CCSER1: variants seen among roughly 807,000 people sequenced by gnomAD.
CCSER1 encodes serine-rich coiled-coil domain-containing protein 1.
In CCSER1, 41 loss-of-function variants were observed where a neutral mutation model predicts 82.0. The observed-to-expected ratio is 0.50, with a 90% CI of 0.39 to 0.65. The LOEUF is 0.65. CCSER1 is among the 30% of genes least tolerant of loss of function. CCSER1 has a pLI of 0.00. For missense variants in CCSER1, 1,119 were observed against 1,064.2 expected (o/e 1.05, Z -0.72); for synonymous variants, 414 against 383.9 (o/e 1.08, Z -0.92).
At chr4:90,798,502 G>A (rs1010316167) in intron 7 of CCSER1, among the ~76,000 whole-genome samples, 1 of 151,568 alleles carries the variant, frequency 6.6e-6, no homozygotes, top group African/African-American at 2.4e-5. Flanking sequence ...CCCTGGTTTA[G>A]AACCTTTGCT....
At chr4:90,964,731 CAA>C (rs71596540) in intron 9 of CCSER1, among the ~76,000 whole-genome samples, 2 of 77,616 alleles carry the variant, frequency 2.6e-5, no homozygotes, top group Non-Finnish European at 4.4e-5. Flanking sequence ...ACTCTGTCTC[CAA>C]AAAAAAAAAA....
At chr4:91,310,103 G>C (rs745791378) in intron 10 of CCSER1, among the ~76,000 whole-genome samples, 1 of 151,882 alleles carries the variant, frequency 6.6e-6, no homozygotes, top group Non-Finnish European at 1.5e-5. Context: ...AAAAACACTA[G>C]TCATATTAGA....
intron 10 of CCSER1, among the ~76,000 whole-genome samples, chr4:91,459,013 T>G (rs548788496): frequency 7.2e-5 from 11 of 151,954 alleles, no homozygotes; most frequent in Non-Finnish European, 1.5e-4. Context: ...AACTTATGGG[T>G]TTTTTTTCCC....
At chr4:91,371,576 G>A (rs578098762) in intron 10 of CCSER1, among the ~76,000 whole-genome samples, 10 of 152,048 alleles carry the variant, frequency 6.6e-5, no homozygotes, top group African/African-American at 1.2e-4. Flanking sequence ...TCATTCATCC[G>A]TTCATGGACA....
rs371648328 is a variant in CCSER1 at position 90,288,015 on chromosome 4, C to G, written c.-41-20229C>G. Among the ~76,000 whole-genome samples the G allele has an allele frequency of 2.0e-5, 3 of 151,954 alleles. No homozygotes were observed. In the South Asian group the frequency reaches 6.2e-4, roughly 32 times the overall value. On this transcript the variant is annotated intron_variant, in intron 1 of 10. Transcript: ENST00000509176. The stretch of plus-strand genomic sequence containing the variant: ...TTATTCTTTTCTTTCTCTCATCCCT[C>G]TATCAATAAACAATTATTACTAGTG...
intron 6 of CCSER1, among the ~76,000 whole-genome samples, chr4:90,685,733 A>T (rs1164970277): frequency 6.6e-6 from 1 of 152,206 alleles, no homozygotes; most frequent in Non-Finnish European, 1.5e-5. Context: ...AAGACAACTT[A>T]CATGAACACT....
chr4:90,812,121 G>T (rs1002643446), intron 7 of CCSER1, among the ~76,000 whole-genome samples: 1 of 152,038 alleles, frequency 6.6e-6, no homozygotes, highest in Non-Finnish European at 1.5e-5. Context: ...GGAGTCCAAT[G>T]TTCAAGGGCA....
chr4:91,524,735 G>A (rs12642187), intron 10 of CCSER1, among the ~76,000 whole-genome samples: 1 of 152,058 alleles, frequency 6.6e-6, no homozygotes, highest in Non-Finnish European at 1.5e-5. Flanking sequence ...TTACACCGCA[G>A]AAAACAAGTA....
intron 4 of CCSER1, among the ~76,000 whole-genome samples, chr4:90,466,300 T>G (rs1361832958): frequency 1.3e-5 from 2 of 152,344 alleles, no homozygotes; most frequent in Middle Eastern, 3.4e-3. Flanking sequence ...TGAGAGGGCT[T>G]CAATGTGAAG....
At chr4:91,223,298 T>G (rs1350802235) in intron 10 of CCSER1, among the ~76,000 whole-genome samples, 1 of 152,106 alleles carries the variant, frequency 6.6e-6, no homozygotes, top group Non-Finnish European at 1.5e-5. Context: ...GTCTGAAAAG[T>G]GCATTGTAGA....
chr4:90,605,014 T>C (rs529028598), intron 5 of CCSER1, among the ~76,000 whole-genome samples: 2 of 151,278 alleles, frequency 1.3e-5, no homozygotes, highest in South Asian at 2.1e-4. Flanking sequence ...CTTCCACGTG[T>C]GGGAGGTTTG....
At chr4:91,437,045 A>G (rs1299498685) in intron 10 of CCSER1, among the ~76,000 whole-genome samples, 1 of 152,228 alleles carries the variant, frequency 6.6e-6, no homozygotes, top group Non-Finnish European at 1.5e-5. Flanking sequence ...TGGGTAACAC[A>G]TGAATTATCA....
At chr4:91,347,346 A>T (rs1217863335) in intron 10 of CCSER1, among the ~76,000 whole-genome samples, 1 of 152,016 alleles carries the variant, frequency 6.6e-6, no homozygotes, top group East Asian at 1.9e-4. Context: ...TCAACCTCAC[A>T]CTGTCTTGAT....
At chr4:90,958,413 T>C (rs1236151960) in intron 9 of CCSER1, among the ~76,000 whole-genome samples, 1 of 152,196 alleles carries the variant, frequency 6.6e-6, no homozygotes, top group Non-Finnish European at 1.5e-5. Context: ...TCCCTTGTGG[T>C]CTCCCTGCAT....
At chr4:91,353,251 TA>T (rs1748595533) in intron 10 of CCSER1, among the ~76,000 whole-genome samples, 1 of 152,150 alleles carries the variant, frequency 6.6e-6, no homozygotes, top group East Asian at 1.9e-4. Context: ...CTGTCCCTTT[TA>T]AGGGCTCACA....
At chr4:90,940,764 TGTC>T (rs1731495470) in intron 9 of CCSER1, among the ~76,000 whole-genome samples, 3 of 152,130 alleles carry the variant, frequency 2.0e-5, no homozygotes, top group Admixed American at 2.0e-4. Flanking sequence ...TGAGCAAACT[TGTC>T]GTCATCTTTC....
intron 9 of CCSER1, among the ~76,000 whole-genome samples, chr4:90,931,500 G>T (rs776747316): frequency 6.6e-6 from 1 of 151,850 alleles, no homozygotes; most frequent in African/African-American, 2.4e-5. Context: ...TTTTTTAATC[G>T]CAGAAATCAT....
At position 91,168,324 on chromosome 4, in the gene CCSER1, G is replaced by T. The variant is rs368915132; in HGVS notation, c.2217+82330G>T. ...TGGGATGTGAGGAGCGCCTCTGCCC[G>T]GCCACCCCCTCTGGGAAGTGAGGAG... On this transcript the variant is annotated intron_variant, in intron 10 of 10. Coordinates refer to ENST00000509176, the MANE Select transcript of CCSER1 (RefSeq NM_001145065.2). Among the ~76,000 whole-genome samples, 101 of 120,724 alleles carry T rather than the reference G, an allele frequency of 8.4e-4. 2 individuals carry two copies. The East Asian group carries it at 0.027, about 32-fold the overall frequency. The allele number at this position is 120,724 out of a possible 152,430, so 79.2% of individuals were successfully genotyped here. A position where few individuals can be genotyped will look rare whatever the true frequency, so the allele number is the denominator to read the frequency against.
In CCSER1 at chr4:90,307,543, A is replaced by G. The variant is rs557328205; in HGVS notation, c.-41-701A>G. Among the ~76,000 whole-genome samples, 781 of 151,402 alleles carry G rather than the reference A, an allele frequency of 5.2e-3. 2 individuals carry two copies. The highest frequency in any genetic ancestry group is 8.4e-3 in the Non-Finnish European group (571 of 67,868). On this transcript the variant is annotated intron_variant, in intron 1 of 10. Transcript: ENST00000509176. ...GAGGGATGGCATAAGAGAATTACCT[A>G]TTGTAAATGACGAGTTAATGGGTGC...
Sources: gnomAD v4.1 joint callset for allele counts (sites outside exome capture counted in the v4.1 genomes callset) on GRCh38, gnomAD v4.1.1 for gene constraint, MANE v1.5 for transcripts, NCBI Gene and HGNC (gene_info 2026-07-23, HGNC 2026-07-21) for gene names.